Variants in PWWP2A observed in about 807,000 individuals in gnomAD.
The protein encoded by PWWP2A is PWWP domain containing 2A.
Under a neutral mutation model 48.5 loss-of-function variants are expected in PWWP2A, and 18 were observed. The observed-to-expected ratio is 0.37, with a 90% CI of 0.26 to 0.55. The LOEUF is 0.55. Ranked by LOEUF, PWWP2A falls within the 20% of genes least tolerant of loss-of-function variation. PWWP2A has a pLI of 0.81. For synonymous variants in PWWP2A, 396 were observed against 387.7 expected (o/e 1.02, Z -0.25); for missense variants, 867 against 976.4 (o/e 0.89, Z 1.49).
chr5:160,111,988 A>G (rs1220319405), intron 1 of PWWP2A, among the ~76,000 whole-genome samples: 1 of 152,026 alleles, frequency 6.6e-6, no homozygotes, highest in Non-Finnish European at 1.5e-5. Flanking sequence ...TTAGCCAGGC[A>G]TGGTGGCATG....
intron 1 of PWWP2A, among the ~76,000 whole-genome samples, chr5:160,107,447 C>A (rs1757015819): frequency 6.6e-6 from 1 of 152,110 alleles, no homozygotes; most frequent in South Asian, 2.1e-4. Flanking sequence ...TGAATTTACT[C>A]AAGAATTTAG....
At chr5:160,086,300 C>G (rs1446844664) in intron 2 of PWWP2A, among the ~76,000 whole-genome samples, 2 of 151,932 alleles carry the variant, frequency 1.3e-5, no homozygotes, top group African/African-American at 2.4e-5. Context: ...GAAGTTATTG[C>G]TTGAGCCCAG....
chr5:160,092,742 T>C lies in PWWP2A; in HGVS notation c.1908A>G (p.Lys636=), dbSNP rs1228067315. The change falls in exon 2 of 2, where the codon AAA becomes AAG. Residue 636 remains lysine, a synonymous_variant. Transcript: ENST00000307063. ...EKKLSNSLKM[K]VFSKNVSKCV... Reference sequence around the variant, plus strand: ...ATTTAGAGACGTTTTTGGAAAAGACTTTCATTTTCAAGGAATTACTGAGCT... The same window carrying C: ...ATTTAGAGACGTTTTTGGAAAAGACCTTCATTTTCAAGGAATTACTGAGCT... 1 of 1,551,630 alleles carries C rather than the reference T, an allele frequency of 6.4e-7. No homozygotes were observed. Among genetic ancestry groups the C allele is most frequent in the Non-Finnish European group, 8.7e-7 (1 of 1,146,972 alleles).
Position 160,092,521 on chromosome 5 carries a change from G to A in PWWP2A, c.2129C>T (p.Ser710Phe), listed in dbSNP as rs1265268257. 2 of 1,551,672 alleles carry A rather than the reference G, an allele frequency of 1.3e-6. No homozygotes were observed. The highest frequency in any genetic ancestry group is 2.4e-5 in the East Asian group (1 of 40,912). The change falls in exon 2 of 2, where the codon TCC becomes TTC. Residue 710 changes from serine to phenylalanine, a missense_variant. Ser to Phe is a radical substitution (Grantham distance 155). Around this residue, in one of 4 missense-constraint regions of PWWP2A, gnomAD observed 97 missense variants for 151.7 expected, o/e 0.64. Coordinates refer to ENST00000307063, the MANE Select transcript of PWWP2A (RefSeq NM_001130864.2). ...TGACTGGAAGTTTTCTAAAAAGGGG[G>A]AGAGTTGTGAAAGAGCAAGGAAAGA... ...TTSFLALSQL[S>F]PFLENFQSRF... is the part of the protein sequence containing the mutation.
downstream of PWWP2A, among the ~76,000 whole-genome samples, chr5:160,087,959 C>T (rs1174157748): frequency 6.6e-6 from 1 of 152,202 alleles, no homozygotes; most frequent in Non-Finnish European, 1.5e-5. Context: ...AGCTATATCA[C>T]TGTGACTTTA....
At chr5:160,089,749 TAC>T, downstream of PWWP2A, 1 of 1,210,334 alleles carries the variant, frequency 8.3e-7, no homozygotes, top group Non-Finnish European at 1.0e-6. Context: ...CCACGACTCT[TAC>T]TTAAGCCGCA....
intron 1 of PWWP2A, among the ~76,000 whole-genome samples, chr5:160,100,999 T>TA (rs1561683974): frequency 1.3e-5 from 2 of 152,136 alleles, no homozygotes; most frequent in African/African-American, 4.8e-5. Flanking sequence ...GCTAGACAGA[T>TA]AGAGATATAT....
chr5:160,097,658 A>C (rs912790043), intron 1 of PWWP2A, among the ~76,000 whole-genome samples: 13 of 145,360 alleles, frequency 8.9e-5, no homozygotes, highest in African/African-American at 3.0e-4. Context: ...TAAATAAAAC[A>C]AATACAAAAA....
At chr5:160,117,825 A>G in intron 1 of PWWP2A, 1 of 950,690 alleles carries the variant, frequency 1.1e-6, no homozygotes. Context: ...AGAGTAAAAC[A>G]TACTAATAAG....
At chr5:160,073,000 G>A (rs1309856019), downstream of PWWP2A, among the ~76,000 whole-genome samples, 4 of 49,170 alleles carry the variant, frequency 8.1e-5, no homozygotes, top group Admixed American at 3.5e-4. Context: ...GCGAGGCTCC[G>A]TCTCAAAAAA....
chr5:160,113,032 G>C (rs970457666), intron 1 of PWWP2A, among the ~76,000 whole-genome samples: 1 of 152,024 alleles, frequency 6.6e-6, no homozygotes, highest in Non-Finnish European at 1.5e-5. Context: ...GGTGGCGTGC[G>C]CCTGTAATCC....
chr5:160,094,879 C>T (rs961479892), intron 1 of PWWP2A, among the ~76,000 whole-genome samples: 2 of 151,464 alleles, frequency 1.3e-5, no homozygotes, highest in African/African-American at 4.9e-5. Context: ...AACCCCGTCT[C>T]TACTAAAAAT....
intron 3 of PWWP2A, among the ~76,000 whole-genome samples, chr5:160,079,799 G>A (rs887825158): frequency 6.6e-6 from 1 of 152,200 alleles, no homozygotes; most frequent in Non-Finnish European, 1.5e-5. Context: ...CGCATCTTAA[G>A]GGTAGCTACC....
In PWWP2A at chr5:160,092,866, T is replaced by C. The variant is rs1755225541; in HGVS notation, c.1784A>G (p.Asn595Ser). 3 of 1,551,518 alleles carry C rather than the reference T, an allele frequency of 1.9e-6. No individual in the cohort carries two copies. Among genetic ancestry groups the C allele is most frequent in the Non-Finnish European group, 2.6e-6 (3 of 1,146,946 alleles). ...IDSTDDLKSS[N>S]SECSSSESFD... is the part of the protein sequence containing the mutation. The stretch of plus-strand genomic sequence containing the variant: ...GCTTTCAGAAGAACTACACTCAGAG[T>C]TGGAAGATTTCAAATCATCTGTGCT... Residue 595 changes from asparagine to serine, a missense_variant, in exon 2 of 2, where the codon AAC (asparagine) becomes AGC (serine). Physicochemically the swap from Asn to Ser is conservative, Grantham distance 46. Around this residue, in one of 4 missense-constraint regions of PWWP2A, gnomAD observed 382 missense variants for 407.2 expected, o/e 0.94. Transcript: ENST00000307063.
At chr5:160,091,136 CTATACTACAAAATCTTATTTTGAGAA>C, downstream of PWWP2A, 1 of 981,472 alleles carries the variant, frequency 1.0e-6, no homozygotes, top group Non-Finnish European at 1.2e-6. Context: ...TATCAAACCT[CTATACTACAAAATCTTATTTTGAGAA>C]TATACTGATT....
chr5:160,045,511 C>CAT, the PWWP2A span, among the ~76,000 whole-genome samples: 1 of 62,676 alleles, frequency 1.6e-5, no homozygotes, highest in Non-Finnish European at 3.1e-5. Flanking sequence ...CACACACACA[C>CAT]ACATACACAC....
In PWWP2A at chr5:160,064,585, G is replaced by A. The variant is rs75682714; in HGVS notation, c.*237-912C>T. Among the ~76,000 whole-genome samples, 1,345 of 152,274 alleles carry A rather than the reference G, an allele frequency of 8.8e-3. 14 individuals are homozygous for A. Among genetic ancestry groups the A allele is most frequent in the Middle Eastern group, 0.02 (6 of 294 alleles). On this transcript the variant is annotated intron_variant and NMD_transcript_variant, in intron 4 of 5. Transcript: ENST00000524050. ...TGGCAGGGTGCCTTGAGCCTCACTG[G>A]AACAGCAGTTGGTTTTCCCAGAACT...
At chr5:160,074,985 T>A (rs1753833784), downstream of PWWP2A, among the ~76,000 whole-genome samples, 2 of 152,092 alleles carry the variant, frequency 1.3e-5, no homozygotes, top group Admixed American at 1.3e-4. Flanking sequence ...AAAAATGAAC[T>A]TACGCTTTCT....
downstream of PWWP2A, chr5:160,089,764 T>C: frequency 1.0e-6 from 1 of 985,458 alleles, no homozygotes; most frequent in Non-Finnish European, 1.2e-6. Flanking sequence ...AAGCCGCAGA[T>C]TTGGTCTAAG....
Sources: gnomAD v4.1 joint callset for allele counts (sites outside exome capture counted in the v4.1 genomes callset) on GRCh38, gnomAD v4.1.1 for gene constraint, gnomAD v4.1.1 regional missense constraint, MANE v1.5 for transcripts, NCBI Gene and HGNC (gene_info 2026-07-23, HGNC 2026-07-21) for gene names.